The following CCDC91 variants were observed in gnomAD, a reference collection of about 807,000 sequenced individuals.
CCDC91 encodes the protein coiled-coil domain containing 91, also known as coiled-coil domain-containing protein 91.
CCDC91 carries 48 observed loss-of-function variants against 63.2 expected under a neutral mutation model. The observed-to-expected ratio is 0.76, with a 90% CI of 0.60 to 0.97. The LOEUF (loss-of-function observed/expected upper bound fraction) is 0.97, where lower values mean the gene tolerates loss of function less well. Ranked by LOEUF, CCDC91 falls within the 50% of genes least tolerant of loss-of-function variation. CCDC91 has a pLI of 0.00. For synonymous variants in CCDC91, 167 were observed against 165.8 expected, an observed-to-expected ratio of 1.01 and a Z score of -0.06; for missense variants, 500 against 494.6, an observed-to-expected ratio of 1.01 and a Z score of -0.10.
chr12:28,436,887 C>T (rs903493371), intron 8 of CCDC91, among the ~76,000 whole-genome samples: 5 of 151,762 alleles, frequency 3.3e-5, no homozygotes, highest in South Asian at 4.2e-4. Flanking sequence ...TTAAAATGCC[C>T]ATCGCCTTAT....
At chr12:28,447,889 T>A (rs1949613307) in intron 8 of CCDC91, among the ~76,000 whole-genome samples, 1 of 149,128 alleles carries the variant, frequency 6.7e-6, no homozygotes, top group Non-Finnish European at 1.5e-5. Context: ...ATTAAGTATC[T>A]TTCTGAATCA....
intron 7 of CCDC91, among the ~76,000 whole-genome samples, chr12:28,382,946 G>A (rs1213593482): frequency 1.3e-5 from 2 of 151,994 alleles, no homozygotes; most frequent in African/African-American, 2.4e-5. Context: ...GAGGGAGAGG[G>A]ATATCCATAT....
chr12:28,279,758 G>T (rs1318945674), intron 3 of CCDC91, among the ~76,000 whole-genome samples: 1 of 151,402 alleles, frequency 6.6e-6, no homozygotes, highest in Non-Finnish European at 1.5e-5. Context: ...ATAAGTTTTG[G>T]TTGAATTAAT....
chr12:28,362,760 G>A (rs1479394333), intron 7 of CCDC91, among the ~76,000 whole-genome samples: 1 of 152,100 alleles, frequency 6.6e-6, no homozygotes, highest in African/African-American at 2.4e-5. Flanking sequence ...AGCAGGTAAA[G>A]AAATTCAAGT....
intron 11 of CCDC91, among the ~76,000 whole-genome samples, chr12:28,460,361 C>T (rs374389922): frequency 1.3e-5 from 2 of 151,942 alleles, no homozygotes; most frequent in Non-Finnish European, 1.5e-5. Flanking sequence ...GCTGAATTTT[C>T]TGTTACTTGT....
intron 12 of CCDC91, among the ~76,000 whole-genome samples, chr12:28,518,446 A>T (rs1940203753): frequency 7.4e-6 from 1 of 135,922 alleles, no homozygotes; most frequent in South Asian, 2.1e-4. Flanking sequence ...ATAATTGTGT[A>T]TTCATTCTTT....
At chr12:28,245,782 C>T (rs1409277316) in intron 1 of CCDC91, among the ~76,000 whole-genome samples, 1 of 152,084 alleles carries the variant, frequency 6.6e-6, no homozygotes, top group Non-Finnish European at 1.5e-5. Flanking sequence ...CCATTTAAAA[C>T]CAAGTGTCAG....
intron 12 of CCDC91, among the ~76,000 whole-genome samples, chr12:28,487,607 G>T (rs1951793434): frequency 1.3e-5 from 2 of 151,082 alleles, no homozygotes. Context: ...TTACATCAGA[G>T]AACACATTTC....
intron 8 of CCDC91, among the ~76,000 whole-genome samples, chr12:28,430,309 G>C (rs1565959919): frequency 6.6e-6 from 1 of 151,894 alleles, no homozygotes; most frequent in Non-Finnish European, 1.5e-5. Context: ...AAACTTCAAG[G>C]TAATATTACC....
At chr12:28,270,003 T>C (rs569708716) in intron 3 of CCDC91, among the ~76,000 whole-genome samples, 1 of 152,062 alleles carries the variant, frequency 6.6e-6, no homozygotes, top group Non-Finnish European at 1.5e-5. Flanking sequence ...AAAGCATTGC[T>C]GAGGTGATAA....
At chr12:28,335,412 T>A (rs188471036) in intron 6 of CCDC91, among the ~76,000 whole-genome samples, 3,038 of 141,762 alleles carry the variant, frequency 0.021, 56 homozygotes, top group African/African-American at 0.047. Flanking sequence ...TATAAATATA[T>A]AAAAATACAT....
At chr12:28,202,423 G>T (rs775950801) in intron 1 of CCDC91, among the ~76,000 whole-genome samples, 6 of 152,154 alleles carry the variant, frequency 3.9e-5, no homozygotes, top group Non-Finnish European at 8.8e-5. Flanking sequence ...GTTTCTTCTT[G>T]TTGCTGCTCT....
chr12:28,516,634 T>G (rs1257705088), intron 12 of CCDC91, among the ~76,000 whole-genome samples: 1 of 151,778 alleles, frequency 6.6e-6, no homozygotes. Flanking sequence ...GAAATTTATT[T>G]TCTCACAGTC....
intron 12 of CCDC91, among the ~76,000 whole-genome samples, chr12:28,544,862 C>T (rs1386658129): frequency 1.3e-5 from 2 of 151,990 alleles, no homozygotes; most frequent in African/African-American, 2.4e-5. Context: ...ATGAAACACT[C>T]ATGAAAGGGT....
chr12:28,313,614 T>A (rs1466016435), intron 6 of CCDC91, among the ~76,000 whole-genome samples: 1 of 152,014 alleles, frequency 6.6e-6, no homozygotes, highest in African/African-American at 2.4e-5. Flanking sequence ...ATTCTAACAG[T>A]GTTATTTTAT....
intron 12 of CCDC91, among the ~76,000 whole-genome samples, chr12:28,498,419 G>A (rs1387227792): frequency 2.6e-5 from 4 of 151,542 alleles, no homozygotes; most frequent in African/African-American, 9.7e-5. Flanking sequence ...AACATTGCAA[G>A]CTTCTGATTA....
chr12:28,224,448 TTTTC>T (rs1420934933), intron 1 of CCDC91, among the ~76,000 whole-genome samples: 1 of 152,180 alleles, frequency 6.6e-6, no homozygotes, highest in African/African-American at 2.4e-5. Flanking sequence ...TTTCCTCCCT[TTTTC>T]TTTCTCTCTG....
At position 28,450,125 on chromosome 12, in the gene CCDC91, A is replaced by G. The variant is rs376018592; in HGVS notation, c.763-36A>G. On this transcript the variant is annotated intron_variant, in intron 8 of 12. Coordinates refer to ENST00000536442, the MANE Select transcript of CCDC91 (RefSeq NM_018318.5). Reference sequence around the variant, plus strand: ...CTCCTTGTTGACAGATACCTGTCTCAGAGCCATAATATAATTTGCTTATCA... The same window carrying G: ...CTCCTTGTTGACAGATACCTGTCTCGGAGCCATAATATAATTTGCTTATCA... The G allele has an allele frequency of 3.3e-6, 4 of 1,217,528 alleles. No individual in the cohort carries two copies. In the African/African-American group the frequency reaches 6.2e-5, roughly 19 times the overall value. 75.4% of individuals were successfully genotyped at this position (1,217,528 alleles called of 1,614,324 possible).
intron 12 of CCDC91, among the ~76,000 whole-genome samples, chr12:28,529,603 T>C (rs1941567715): frequency 1.3e-5 from 2 of 152,196 alleles, no homozygotes; most frequent in Admixed American, 1.3e-4. Context: ...TCCTCCTGTT[T>C]TCTAATTGCC....
Sources: allele counts gnomAD v4.1 joint callset (sites outside exome capture counted in the v4.1 genomes callset), GRCh38; gene constraint gnomAD v4.1.1; transcripts MANE v1.5; gene names NCBI Gene and HGNC (gene_info 2026-07-23, HGNC 2026-07-21).